The following DIP2C variants were observed in gnomAD, a reference collection of about 807,000 sequenced individuals.
DIP2C encodes the protein disco-interacting protein 2 homolog C.
A neutral mutation model predicts 192.4 loss-of-function variants in DIP2C; 33 were observed. The ratio of observed to expected loss-of-function variants is 0.17; its 90% CI spans 0.13 to 0.23. DIP2C has a LOEUF of 0.23. Among genes scored for constraint, DIP2C ranks in the 10% least tolerant of loss-of-function variants. The probability of loss-of-function intolerance (pLI) is 1.00; values close to 1 mark genes in which losing one functional copy is unlikely to be tolerated. For synonymous variants in DIP2C, 979 were observed against 864.1 expected, an observed-to-expected ratio of 1.13 and a Z score of -2.33; for missense variants, 1,537 against 2,110.1, an observed-to-expected ratio of 0.73 and a Z score of 5.32.
chr10:519,430 G>A (rs187815217), intron 1 of DIP2C, among the ~76,000 whole-genome samples: 2 of 152,150 alleles, frequency 1.3e-5, no homozygotes, highest in East Asian at 1.9e-4. Flanking sequence ...CACGCAGCAC[G>A]TTTCCTGAGT....
At chr10:317,013 G>A (rs552529204) in intron 31 of DIP2C, among the ~76,000 whole-genome samples, 32 of 152,186 alleles carry the variant, frequency 2.1e-4, no homozygotes, top group African/African-American at 6.5e-4. Context: ...TTGTTCCGAC[G>A]GTTATGGTTG....
chr10:341,133 G>C, intron 29 of DIP2C, 66 bp downstream of exon 29: 1 of 1,607,758 alleles, frequency 6.2e-7, no homozygotes, highest in Non-Finnish European at 8.5e-7. Flanking sequence ...TGCCTGGCTG[G>C]GTCTAAGGTC....
intron 1 of DIP2C, among the ~76,000 whole-genome samples, chr10:564,520 G>A (rs954132936): frequency 6.6e-6 from 1 of 152,212 alleles, no homozygotes; most frequent in African/African-American, 2.4e-5. Flanking sequence ...TGAGGGCCAA[G>A]CGCAGCAGAG....
At chr10:547,689 C>T (rs1020397937) in intron 1 of DIP2C, among the ~76,000 whole-genome samples, 12 of 152,180 alleles carry the variant, frequency 7.9e-5, no homozygotes, top group African/African-American at 2.9e-4. Flanking sequence ...TTCAGAGATC[C>T]AGAGAACTGA....
rs758003970 is a variant in DIP2C, at chr10:357,941, G to C, written c.2795-4C>G. The C allele has an allele frequency of 1.2e-6, 2 of 1,606,166 alleles. No homozygotes were observed. Among genetic ancestry groups the C allele is most frequent in the East Asian group, 2.2e-5 (1 of 44,868 alleles). On this transcript the variant is annotated splice_region_variant and splice_polypyrimidine_tract_variant and intron_variant, in intron 22 of 36. Transcript: ENST00000280886. ...ATCACAGAGGCAGGGCCGATTTCTA[G>C]AAAGAAACAGAGACATGGCCATGAG... is the stretch of plus-strand genomic sequence containing the variant.
chr10:584,492 G>A (rs375702177), intron 1 of DIP2C, among the ~76,000 whole-genome samples: 10 of 128,336 alleles, frequency 7.8e-5, no homozygotes, highest in East Asian at 7.2e-4. Flanking sequence ...CCCCACTCAC[G>A]CGCATCACCT....
chr10:578,747 G>A (rs961545690), intron 1 of DIP2C, among the ~76,000 whole-genome samples: 27 of 151,918 alleles, frequency 1.8e-4, no homozygotes, highest in African/African-American at 5.1e-4. Context: ...ATGTGTACAT[G>A]CATAGTGTAC....
intron 1 of DIP2C, among the ~76,000 whole-genome samples, chr10:551,908 G>C (rs908454917): frequency 6.6e-6 from 1 of 152,210 alleles, no homozygotes; most frequent in African/African-American, 2.4e-5. Context: ...GGCCCCTGCC[G>C]TGGTGTCACA....
At chr10:481,932 C>G (rs550919133) in intron 2 of DIP2C, among the ~76,000 whole-genome samples, 1 of 152,206 alleles carries the variant, frequency 6.6e-6, no homozygotes, top group Non-Finnish European at 1.5e-5. Flanking sequence ...AGCAGGCAGC[C>G]GGGGCCTCAG....
chr10:385,788 C>G (rs911878135), intron 14 of DIP2C, among the ~76,000 whole-genome samples: 12 of 152,100 alleles, frequency 7.9e-5, no homozygotes, highest in Non-Finnish European at 1.5e-5. Flanking sequence ...GTCTTGTAGG[C>G]TACGGGGTGG....
At chr10:550,881 C>G (rs1334577603) in intron 1 of DIP2C, among the ~76,000 whole-genome samples, 1 of 152,228 alleles carries the variant, frequency 6.6e-6, no homozygotes, top group African/African-American at 2.4e-5. Context: ...TCAGCACAGC[C>G]AGTCAGGCCT....
At chr10:435,361 A>C (rs1967093808) in intron 4 of DIP2C, among the ~76,000 whole-genome samples, 1 of 152,176 alleles carries the variant, frequency 6.6e-6, no homozygotes, top group Non-Finnish European at 1.5e-5. Context: ...CCCTGTAGTA[A>C]GTATGAGGGG....
chr10:484,734 A>G (rs1564773861), intron 2 of DIP2C: 1 of 1,591,162 alleles, frequency 6.3e-7, no homozygotes. Context: ...GCCCTTTTCT[A>G]ATGTGTACCC....
At chr10:380,230 A>AC (rs1589660348) in intron 17 of DIP2C, among the ~76,000 whole-genome samples, 3 of 87,700 alleles carry the variant, frequency 3.4e-5, no homozygotes, top group Admixed American at 1.3e-4. Context: ...GGTTAAGACG[A>AC]AGAAGAGGCT....
chr10:307,550 A>G (rs990627818), intron 32 of DIP2C, among the ~76,000 whole-genome samples: 14 of 152,184 alleles, frequency 9.2e-5, no homozygotes, highest in Non-Finnish European at 1.5e-4. Flanking sequence ...TGGTGAGGGC[A>G]TCGGAGAGCA....
At chr10:662,799 A>G in intron 1 of DIP2C, 1 of 713,894 alleles carries the variant, frequency 1.4e-6, no homozygotes, top group Non-Finnish European at 2.6e-6. Context: ...AGAAGAACCA[A>G]AACTGTGGCA....
At chr10:447,456 AG>A (rs1968344119) in intron 3 of DIP2C, among the ~76,000 whole-genome samples, 1 of 149,892 alleles carries the variant, frequency 6.7e-6, no homozygotes, top group Non-Finnish European at 1.5e-5. Context: ...GTGGGGCAGC[AG>A]GACCCGCTCA....
At chr10:367,476 T>C (rs1020461343) in intron 18 of DIP2C, among the ~76,000 whole-genome samples, 5 of 151,104 alleles carry the variant, frequency 3.3e-5, no homozygotes, top group African/African-American at 7.3e-5. Flanking sequence ...ACCCATCAGA[T>C]TGGTAAAAAC....
At chr10:444,056 C>T (rs1187654710) in intron 3 of DIP2C, among the ~76,000 whole-genome samples, 2 of 152,326 alleles carry the variant, frequency 1.3e-5, no homozygotes, top group Admixed American at 1.3e-4. Context: ...AGCCACTGTT[C>T]ATTCATGAGG....
Sources: allele counts gnomAD v4.1 joint callset (sites outside exome capture counted in the v4.1 genomes callset), GRCh38; gene constraint gnomAD v4.1.1; transcripts MANE v1.5; gene names NCBI Gene and HGNC (gene_info 2026-07-23, HGNC 2026-07-21).